Variants in DMD observed in about 807,000 individuals in gnomAD.
DMD encodes the protein mutant dystrophin.
Under a neutral mutation model 330.1 loss-of-function variants are expected in DMD, and 63 were observed. The observed-to-expected ratio is 0.19, with a 90% confidence interval of 0.16 to 0.24. DMD has a LOEUF of 0.24. DMD is among the 10% of genes least tolerant of loss of function. The probability of loss-of-function intolerance (pLI) is 1.00; values close to 1 mark genes in which losing one functional copy is unlikely to be tolerated. For synonymous variants in DMD, 1,223 were observed against 959.8 expected (o/e 1.27, Z -5.07); for missense variants, 3,344 against 2,684.1 (o/e 1.25, Z -5.43).
intron 1 of DMD, among the ~76,000 whole-genome samples, chrX:33,127,434 A>G (rs2095471769): frequency 9.0e-6 from 1 of 111,201 alleles, no homozygotes; most frequent in Non-Finnish European, 1.9e-5. Context: ...CTCTAAAATC[A>G]TTCTGAGATA....
chrX:32,393,975 C>T (rs1035915360), intron 30 of DMD, among the ~76,000 whole-genome samples: 4 of 111,228 alleles, frequency 3.6e-5, no homozygotes, highest in Non-Finnish European at 5.7e-5. Context: ...AAGGGCTGGC[C>T]TGATTAAGGA....
chrX:31,985,960 G>A lies in DMD; in HGVS notation c.6439-17446C>T, dbSNP rs749503124. On this transcript the variant is annotated intron_variant, in intron 44 of 78. Coordinates refer to ENST00000357033, the MANE Select transcript of DMD (RefSeq NM_004006.3). ...AACAGAATTAACTACTTATCCAGAT[G>A]GAGAAAACAGCATGTATGACGCTCC... 4.5e-5 allele frequency among the ~76,000 whole-genome samples: 5 copies of A among 111,880 alleles called. No individual in the cohort carries two copies. In the South Asian group the frequency reaches 1.1e-3, roughly 25 times the overall value.
At chrX:31,156,111 G>A (rs987487056) in intron 74 of DMD, among the ~76,000 whole-genome samples, 1 of 111,641 alleles carries the variant, frequency 9.0e-6, no homozygotes, top group African/African-American at 3.3e-5. Context: ...AAGCTCACAG[G>A]GTGAGAAGTA....
chrX:31,243,119 GA>G (rs960075028), intron 63 of DMD, among the ~76,000 whole-genome samples: 37 of 111,445 alleles, frequency 3.3e-4, no homozygotes, highest in Admixed American at 3.3e-3. Flanking sequence ...ATTTATGGGG[GA>G]AAAAAATCAA....
At chrX:32,587,696 A>G (rs1479951351) in intron 13 of DMD, among the ~76,000 whole-genome samples, 1 of 111,116 alleles carries the variant, frequency 9.0e-6, no homozygotes. Flanking sequence ...TTTAAAACAT[A>G]CTTGAACATG....
intron 42 of DMD, among the ~76,000 whole-genome samples, chrX:32,307,143 T>C (rs1227425520): frequency 9.0e-6 from 1 of 111,027 alleles, no homozygotes; most frequent in Non-Finnish European, 1.9e-5. Context: ...TATAAGCAGA[T>C]TCGAAGACAA....
intron 60 of DMD, among the ~76,000 whole-genome samples, chrX:31,428,025 T>C (rs1264670850): frequency 8.9e-6 from 1 of 112,548 alleles, no homozygotes; most frequent in Non-Finnish European, 1.9e-5. Flanking sequence ...CAGTCATATC[T>C]GAGTCCCATG....
chrX:31,460,901 G>C (rs773585597), intron 59 of DMD, among the ~76,000 whole-genome samples: 1 of 111,764 alleles, frequency 8.9e-6, no homozygotes, highest in Non-Finnish European at 1.9e-5. Flanking sequence ...TATTTTTAAC[G>C]TTAAAAATTA....
At chrX:32,329,280 C>A (rs948398693) in intron 41 of DMD, among the ~76,000 whole-genome samples, 1 of 112,099 alleles carries the variant, frequency 8.9e-6, no homozygotes, top group Non-Finnish European at 1.9e-5. Flanking sequence ...ATGGATGTGG[C>A]GAACGACATA....
At position 32,484,869 on chromosome X, in the gene DMD, A is replaced by G. The variant is rs1382251651; in HGVS notation, c.2803+50T>C. 3.4e-6 allele frequency: 4 copies of G among 1,160,127 alleles called. No individual in the cohort carries two copies. In the African/African-American group the frequency reaches 7.0e-5, roughly 20 times the overall value. On this transcript the variant is annotated intron_variant, in intron 21 of 78. Transcript: ENST00000357033. ...TAGTACCTTCTGGATTTCCCCACAAATAACCATTTTGGAAAATGTCAAGTT... is the reference window on the plus strand; with the variant it reads ...TAGTACCTTCTGGATTTCCCCACAAGTAACCATTTTGGAAAATGTCAAGTT...
intron 44 of DMD, among the ~76,000 whole-genome samples, chrX:32,185,848 A>C (rs2096943974): frequency 9.0e-6 from 1 of 110,958 alleles, no homozygotes; most frequent in Admixed American, 9.7e-5. Context: ...ATCATGTTGC[A>C]TCATGGTCTT....
At chrX:31,333,002 G>A (rs1162194251) in intron 61 of DMD, among the ~76,000 whole-genome samples, 1 of 111,200 alleles carries the variant, frequency 9.0e-6, no homozygotes, top group African/African-American at 3.3e-5. Context: ...TGGGACCAGG[G>A]AACTAGTTAA....
chrX:32,821,574 C>T (rs1467437957), intron 5 of DMD, among the ~76,000 whole-genome samples: 2 of 107,754 alleles, frequency 1.9e-5, no homozygotes, highest in Admixed American at 2.0e-4. Flanking sequence ...GGCGACAGAG[C>T]AAGACTCTGT....
chrX:31,379,693 T>C (rs369252554), intron 60 of DMD, among the ~76,000 whole-genome samples: 40 of 111,835 alleles, frequency 3.6e-4, no homozygotes, highest in African/African-American at 5.5e-4. Flanking sequence ...ACCCCAGCCA[T>C]ATCTCCAGCA....
chrX:32,290,757 G>A (rs1019384935), intron 42 of DMD, among the ~76,000 whole-genome samples: 3 of 111,674 alleles, frequency 2.7e-5, no homozygotes, highest in African/African-American at 9.8e-5. Context: ...TTGCCTTTAA[G>A]AAGTTTTAAG....
intron 19 of DMD, 145 bp from the exon 20 acceptor site, chrX:32,491,663 G>A: frequency 1.7e-6 from 1 of 574,185 alleles, no homozygotes; most frequent in Admixed American, 3.7e-5. Flanking sequence ...ATATAAATGT[G>A]TAAATATGAT....
chrX:32,469,126 T>C (rs1453217077), intron 22 of DMD, among the ~76,000 whole-genome samples: 3 of 110,736 alleles, frequency 2.7e-5, no homozygotes, highest in African/African-American at 9.8e-5. Context: ...TATTGATATA[T>C]GGAATAGAAA....
intron 7 of DMD, chrX:32,756,212 C>CA (rs1236793741): frequency 2.7e-5 from 3 of 111,757 alleles, no homozygotes; most frequent in Admixed American, 1.9e-4. Context: ...CCTGAACAGA[C>CA]AAAAAAGTTT....
intron 44 of DMD, among the ~76,000 whole-genome samples, chrX:32,191,160 G>A (rs2096973499): frequency 9.0e-6 from 1 of 111,426 alleles, no homozygotes; most frequent in Non-Finnish European, 1.9e-5. Context: ...TATTTAGATG[G>A]CTTTTTGTTG....
Sources: allele counts gnomAD v4.1 joint callset (sites outside exome capture counted in the v4.1 genomes callset), GRCh38; gene constraint gnomAD v4.1.1; transcripts MANE v1.5; gene names NCBI Gene and HGNC (gene_info 2026-07-23, HGNC 2026-07-21).